Variants in CALCOCO2 observed in about 807,000 individuals in gnomAD.
CALCOCO2 encodes calcium-binding and coiled-coil domain-containing protein 2.
CALCOCO2 carries 42 observed loss-of-function variants against 62.5 expected under a neutral mutation model. The observed-to-expected ratio is 0.67, with a 90% CI of 0.53 to 0.87. The LOEUF is 0.87. Among genes scored for constraint, CALCOCO2 ranks in the 40% least tolerant of loss-of-function variants. CALCOCO2 has a pLI of 0.00. For missense variants in CALCOCO2, 456 were observed against 515.0 expected (o/e 0.89, Z 1.11); for synonymous variants, 167 against 173.0 (o/e 0.97, Z 0.27).
intron 5 of CALCOCO2, among the ~76,000 whole-genome samples, chr17:48,850,406 A>G (rs992559001): frequency 1.4e-4 from 21 of 152,204 alleles, no homozygotes; most frequent in African/African-American, 5.1e-4. Flanking sequence ...GCAGTGAGCC[A>G]AGATCACGCC....
intron 2 of CALCOCO2, chr17:48,846,141 A>T: frequency 8.4e-6 from 8 of 949,882 alleles, no homozygotes; most frequent in Non-Finnish European, 9.2e-6. Flanking sequence ...ATTTTTTAAA[A>T]TTTATTTTAT....
At chr17:48,857,971 CATCAA>C (rs933761837) in intron 10 of CALCOCO2, among the ~76,000 whole-genome samples, 2 of 55,368 alleles carry the variant, frequency 3.6e-5, no homozygotes, top group South Asian at 1.2e-3. Context: ...AGCAAGACTA[CATCAA>C]TAGAATAGAA....
chr17:48,854,398 T>TATATATATATA (rs1567757340), intron 9 of CALCOCO2, among the ~76,000 whole-genome samples: 8 of 1,354 alleles, frequency 5.9e-3, no homozygotes, highest in African/African-American at 7.4e-3. Context: ...ATATATATAT[T>TATATATATATA]TTTTTTTTTT....
In CALCOCO2 at chr17:48,860,385, A is replaced by T. The variant is rs1247885343; in HGVS notation, c.1080A>T (p.Val360=). ...GLDFNSLPYQ[V]PTSDEGGARQ... is the part of the protein sequence containing the mutation. ...ATTTTAATTCTTTGCCGTATCAAGT[A>T]CCTACTTCAGATGAAGGAGGCGCAA... Residue 360 remains valine (V), a synonymous_variant, in exon 11 of 13, where the codon GTA becomes GTT. Transcript: ENST00000258947. 6.2e-7 allele frequency: 1 copy of T among 1,612,488 alleles called. No individual in the cohort carries two copies. Among genetic ancestry groups the T allele is most frequent in the African/African-American group, 1.3e-5 (1 of 74,880 alleles).
chr17:48,833,327 T>G (rs2039842446), intron 1 of CALCOCO2, among the ~76,000 whole-genome samples: 1 of 151,376 alleles, frequency 6.6e-6, no homozygotes, highest in South Asian at 2.1e-4. Context: ...GAGGCCAAGG[T>G]GGGTGGATCA....
At chr17:48,847,615 G>A (rs1465022484) in intron 2 of CALCOCO2, 1 of 152,492 alleles carries the variant, frequency 6.6e-6, no homozygotes, top group African/African-American at 2.4e-5. Context: ...TTTGAGCCCT[G>A]GCGTGAGAAT....
chr17:48,858,034 GAATAGAATAGAAAATAGAAT>G (rs1315464777), intron 10 of CALCOCO2, among the ~76,000 whole-genome samples: 11 of 24,480 alleles, frequency 4.5e-4, no homozygotes, highest in Admixed American at 1.6e-3. Flanking sequence ...GAATAGAATA[GAATAGAATAGAAAATAGAAT>G]AGAATAGAAT....
intron 5 of CALCOCO2, among the ~76,000 whole-genome samples, chr17:48,849,879 C>T (rs1456414937): frequency 2.0e-5 from 3 of 151,992 alleles, no homozygotes; most frequent in East Asian, 1.9e-4. Flanking sequence ...ATCATTTGGC[C>T]AGGTGCAGTG....
In CALCOCO2 at chr17:48,848,332, G is replaced by T; in HGVS notation, c.294G>T (p.Leu98=). The T allele has an allele frequency of 6.2e-7, 1 of 1,613,560 alleles. No homozygotes were observed. The highest frequency in any genetic ancestry group is 8.5e-7 in the Non-Finnish European group (1 of 1,179,516). ...QQEVQFKAYY[L]PKDDEYYQFC... is the part of the protein sequence containing the mutation. ...ATGTTGTGTTTTCAGCTTACTACCT[G>T]CCCAAGGATGATGAGTATTACCAGT... Residue 98 remains leucine, a synonymous_variant, in exon 4 of 13, where the codon CTG becomes CTT. Transcript: ENST00000258947.
In CALCOCO2 at chr17:48,840,446, T is replaced by G. The variant is rs551738401; in HGVS notation, c.-10-1252T>G. The stretch of plus-strand genomic sequence containing the variant: ...GTGCCCAGCCACAACTTTCCTATTC[T>G]TGATCACATTTTATCTGTACTATAA... On this transcript the variant is annotated intron_variant, in intron 1 of 12. Coordinates refer to ENST00000258947, the MANE Select transcript of CALCOCO2 (RefSeq NM_005831.5). 5.3e-5 allele frequency among the ~76,000 whole-genome samples: 8 copies of G among 152,300 alleles called. No homozygotes were observed. The South Asian group carries it at 8.3e-4, about 16-fold the overall frequency.
intron 1 of CALCOCO2, among the ~76,000 whole-genome samples, chr17:48,834,092 G>A (rs2039855471): frequency 1.6e-5 from 2 of 124,244 alleles, no homozygotes; most frequent in African/African-American, 6.3e-5. Context: ...ACTCCAGCCT[G>A]CAAGACCCTA....
intron 7 of CALCOCO2, 181 bp from the exon 8 acceptor site, chr17:48,852,325 C>T (rs1211146441): frequency 5.3e-6 from 3 of 560,776 alleles, no homozygotes; most frequent in Non-Finnish European, 9.7e-6. Context: ...GAACTGCTCT[C>T]ATTTTTAGGA....
At chr17:48,844,557 C>T (rs568001456) in intron 2 of CALCOCO2, among the ~76,000 whole-genome samples, 6 of 152,034 alleles carry the variant, frequency 3.9e-5, no homozygotes, top group African/African-American at 9.6e-5. Flanking sequence ...CTGGTTCAAG[C>T]GATTCTCCTG....
At chr17:48,862,481 C>T (rs187610561) in intron 12 of CALCOCO2, among the ~76,000 whole-genome samples, 177 bp downstream of exon 12, 2 of 152,316 alleles carry the variant, frequency 1.3e-5, no homozygotes, top group East Asian at 3.9e-4. Context: ...GAGATGAAAG[C>T]ACAGTTCATC....
intron 1 of CALCOCO2, among the ~76,000 whole-genome samples, chr17:48,838,726 T>G (rs1454967156): frequency 6.6e-6 from 1 of 152,010 alleles, no homozygotes; most frequent in Non-Finnish European, 1.5e-5. Flanking sequence ...AAAATATATA[T>G]ATATATAACA....
chr17:48,861,536 T>G (rs972246709), intron 11 of CALCOCO2, among the ~76,000 whole-genome samples: 2 of 151,684 alleles, frequency 1.3e-5, no homozygotes, highest in Admixed American at 1.3e-4. Context: ...AAACCTATTC[T>G]CAGATAGTCA....
chr17:48,851,737 CT>C (rs1223080395), intron 7 of CALCOCO2, 109 bp downstream of exon 7: 2 of 722,338 alleles, frequency 2.8e-6, no homozygotes, highest in Admixed American at 3.9e-5. Context: ...TAATGGCATA[CT>C]TTTCAAAGTA....
chr17:48,856,482 TG>T (rs2040216537), intron 10 of CALCOCO2: 3 of 472,584 alleles, frequency 6.3e-6, no homozygotes, highest in African/African-American at 2.0e-5. Flanking sequence ...TATGTTGCCT[TG>T]GGGGATAGGG....
chr17:48,861,822 C>T (rs1337259808), intron 11 of CALCOCO2, among the ~76,000 whole-genome samples: 4 of 151,456 alleles, frequency 2.6e-5, no homozygotes, highest in East Asian at 3.9e-4. Context: ...CCGAGGCAGG[C>T]GGATCACTTG....
Sources: allele counts gnomAD v4.1 joint callset (sites outside exome capture counted in the v4.1 genomes callset), GRCh38; gene constraint gnomAD v4.1.1; transcripts MANE v1.5; gene names NCBI Gene and HGNC (gene_info 2026-07-23, HGNC 2026-07-21).